MEI4: variants seen among roughly 807,000 people sequenced by gnomAD.
MEI4 encodes the protein meiotic double-stranded break formation protein 4.
Under a neutral mutation model 31.4 loss-of-function variants are expected in MEI4, and 27 were observed. That is an observed-to-expected ratio of 0.86 (90% confidence interval 0.63 to 1.19). The LOEUF (loss-of-function observed/expected upper bound fraction) is 1.19. Ranked by LOEUF, MEI4 falls within the 50% of genes most tolerant of loss-of-function variation. The probability of loss-of-function intolerance (pLI) is 0.00; values close to 1 mark genes in which losing one functional copy is unlikely to be tolerated. For synonymous variants in MEI4, 122 were observed against 145.4 expected, an observed-to-expected ratio of 0.84 and a Z score of 1.16; for missense variants, 329 against 398.9, an observed-to-expected ratio of 0.82 and a Z score of 1.49.
In MEI4 at chr6:77,740,495, CCTT is replaced by C. The variant is rs1428407199; in HGVS notation, c.233-20632_233-20630del. Among the ~76,000 whole-genome samples the C allele has an allele frequency of 3.9e-5, 6 of 152,230 alleles. No individual in the cohort carries two copies. The South Asian group carries it at 1.2e-3, about 32-fold the overall frequency. On this transcript the variant is annotated intron_variant, in intron 2 of 4. Coordinates refer to ENST00000684080, the MANE Select transcript of MEI4 (RefSeq NM_001322247.2). ...TGCTTTGCAATGTGATAAAATATAT[CCTT>C]CTAGAGGCAGAAGTCAATTGCTTTA... is the stretch of plus-strand genomic sequence containing the variant.
At chr6:77,806,552 TGTTCTG>T in intron 3 of MEI4, among the ~76,000 whole-genome samples, 1 of 152,288 alleles carries the variant, frequency 6.6e-6, no homozygotes, top group East Asian at 1.9e-4. Context: ...AAGGGATACT[TGTTCTG>T]GTTATTGGAA....
intron 3 of MEI4, among the ~76,000 whole-genome samples, chr6:77,779,981 A>C (rs1768551687): frequency 1.3e-5 from 2 of 152,182 alleles, no homozygotes; most frequent in African/African-American, 2.4e-5. Context: ...GGAAAATAAC[A>C]AGTATTCTAA....
At chr6:77,778,914 C>T (rs908935140) in intron 3 of MEI4, among the ~76,000 whole-genome samples, 1 of 151,748 alleles carries the variant, frequency 6.6e-6, no homozygotes, top group Non-Finnish European at 1.5e-5. Context: ...AGAGGGGAGC[C>T]CAAGTTCCCT....
At chr6:77,920,534 T>G (rs1332833103) in intron 4 of MEI4, among the ~76,000 whole-genome samples, 2 of 151,908 alleles carry the variant, frequency 1.3e-5, no homozygotes, top group Non-Finnish European at 2.9e-5. Flanking sequence ...CTGTTAATAT[T>G]GATATTTTGT....
At chr6:77,862,619 T>A (rs1458479348) in intron 4 of MEI4, among the ~76,000 whole-genome samples, 1 of 152,200 alleles carries the variant, frequency 6.6e-6, no homozygotes, top group African/African-American at 2.4e-5. Flanking sequence ...CAAGGAGGCC[T>A]GCCTGCCTCT....
intron 3 of MEI4, among the ~76,000 whole-genome samples, chr6:77,816,856 C>A (rs1047231843): frequency 6.6e-6 from 1 of 151,962 alleles, no homozygotes; most frequent in Non-Finnish European, 1.5e-5. Context: ...TTTTTTTGAA[C>A]TTTTTGTAAA....
chr6:77,770,987 CAGAGT>C (rs1431262393), intron 3 of MEI4, among the ~76,000 whole-genome samples: 4 of 152,048 alleles, frequency 2.6e-5, no homozygotes, highest in Non-Finnish European at 5.9e-5. Flanking sequence ...AAACTATCAA[CAGAGT>C]AAATAGGCAC....
intron 2 of MEI4, among the ~76,000 whole-genome samples, chr6:77,748,508 C>A (rs1767674126): frequency 6.6e-6 from 1 of 152,176 alleles, no homozygotes; most frequent in Admixed American, 6.5e-5. Flanking sequence ...CTGCACAGAG[C>A]AGGAGTGTGG....
At chr6:77,743,024 C>A (rs1457904310) in intron 2 of MEI4, among the ~76,000 whole-genome samples, 1 of 151,956 alleles carries the variant, frequency 6.6e-6, no homozygotes, top group African/African-American at 2.4e-5. Flanking sequence ...GTTACTGTAG[C>A]CTTATAGTAT....
At chr6:77,792,189 A>G (rs1048653695) in intron 3 of MEI4, among the ~76,000 whole-genome samples, 2 of 152,330 alleles carry the variant, frequency 1.3e-5, no homozygotes, top group Non-Finnish European at 2.9e-5. Flanking sequence ...TTATTCAGAT[A>G]AAGAAAGTAT....
rs541884962 is a variant in MEI4, at chr6:77,853,769, A to G, written c.900+24707A>G. Among the ~76,000 whole-genome samples, 36 of 152,322 alleles carry G rather than the reference A, an allele frequency of 2.4e-4. No individual in the cohort carries two copies. The South Asian group carries it at 6.8e-3, about 29-fold the overall frequency. ...ACATAAATTAGGTTCTGTTAGAAGA[A>G]TAGGGAATGAGATAATGAGAGGTCT... On this transcript the variant is annotated intron_variant, in intron 4 of 4. Coordinates refer to ENST00000684080, the MANE Select transcript of MEI4 (RefSeq NM_001322247.2).
Position 77,785,029 on chromosome 6 carries a change from AATATGC to A in MEI4, c.768+23365_768+23370del, listed in dbSNP as rs538432142. ...CCCATTCTACTTCCCTTTATGACAT[AATATGC>A]TGAAATTTCCCCGTCAGCTAATCAT... On this transcript the variant is annotated intron_variant, in intron 3 of 4. Transcript: ENST00000684080. Among the ~76,000 whole-genome samples the A allele has an allele frequency of 3.4e-3, 512 of 152,234 alleles. 2 individuals are homozygous for A. The highest frequency in any genetic ancestry group is 0.012 in the African/African-American group (499 of 41,554).
chr6:77,884,212 G>T (rs528486597), intron 4 of MEI4, among the ~76,000 whole-genome samples: 26 of 151,874 alleles, frequency 1.7e-4, no homozygotes, highest in Non-Finnish European at 2.1e-4. Flanking sequence ...ATTTGTTTTT[G>T]GTGTTGACTT....
chr6:77,681,014 A>G (rs957112057), intron 1 of MEI4, among the ~76,000 whole-genome samples: 2 of 152,186 alleles, frequency 1.3e-5, no homozygotes, highest in Non-Finnish European at 2.9e-5. Flanking sequence ...GTCATTTACA[A>G]AATGACTTTT....
chr6:77,727,422 TG>T (rs1468528405), intron 2 of MEI4, among the ~76,000 whole-genome samples: 6 of 152,210 alleles, frequency 3.9e-5, no homozygotes, highest in Non-Finnish European at 7.3e-5. Flanking sequence ...CTAAGTTATT[TG>T]AAGATATATG....
chr6:77,710,252 A>G (rs921076484), intron 2 of MEI4, among the ~76,000 whole-genome samples: 4 of 152,116 alleles, frequency 2.6e-5, no homozygotes, highest in African/African-American at 7.2e-5. Flanking sequence ...GGTATGAAAA[A>G]TAAAGTGTTG....
chr6:77,762,131 T>C (rs1035232994), intron 3 of MEI4, among the ~76,000 whole-genome samples: 1 of 152,200 alleles, frequency 6.6e-6, no homozygotes, highest in Non-Finnish European at 1.5e-5. Flanking sequence ...TGCCTTGGGG[T>C]TGAAGAATAT....
chr6:77,897,544 T>C (rs1337350929), intron 4 of MEI4, among the ~76,000 whole-genome samples: 1 of 151,928 alleles, frequency 6.6e-6, no homozygotes, highest in Non-Finnish European at 1.5e-5. Flanking sequence ...CACAAATACT[T>C]ATGTACACAA....
Position 77,828,937 on chromosome 6 carries a change from G to T in MEI4, c.775G>T (p.Val259Leu), listed in dbSNP as rs143913103. 3.7e-5 allele frequency: 46 copies of T among 1,232,060 alleles called. No individual in the cohort carries two copies. Among genetic ancestry groups the T allele is most frequent in the Non-Finnish European group, 3.5e-5 (35 of 987,882 alleles). 76.3% of individuals were successfully genotyped at this position (1,232,060 alleles called of 1,614,324 possible). The change falls in exon 4 of 5, where the codon GTG (valine) becomes TTG (leucine). Residue 259 changes from valine to leucine, a missense_variant. Transcript: ENST00000684080. The part of the protein sequence containing the change: ...LGNNHINQFQ[V>L]QHYVSQSLVT... Reference sequence around the variant, plus strand: ...TACTCATTTTTATCTTTAGTTTCAGGTGCAGCATTATGTCTCTCAGAGTCT... The same window carrying T: ...TACTCATTTTTATCTTTAGTTTCAGTTGCAGCATTATGTCTCTCAGAGTCT...
Sources: allele counts gnomAD v4.1 joint callset (sites outside exome capture counted in the v4.1 genomes callset), GRCh38; gene constraint gnomAD v4.1.1; transcripts MANE v1.5; gene names NCBI Gene and HGNC (gene_info 2026-07-23, HGNC 2026-07-21).